The following ROBO2 variants were observed in gnomAD, a reference collection of about 807,000 sequenced individuals.
ROBO2 encodes roundabout homolog 2.
A neutral mutation model predicts 160.8 loss-of-function variants in ROBO2; 53 were observed. The observed-to-expected ratio is 0.33, with a 90% CI of 0.26 to 0.41. The LOEUF is 0.41. Ranked by LOEUF, ROBO2 falls within the 10% of genes least tolerant of loss-of-function variation. The probability of loss-of-function intolerance (pLI) is 1.00; values close to 1 mark genes in which losing one functional copy is unlikely to be tolerated. For synonymous variants in ROBO2, 664 were observed against 611.7 expected (o/e 1.09, Z -1.26); for missense variants, 1,577 against 1,722.4 (o/e 0.92, Z 1.49).
At chr3:77,368,872 T>C (rs1213744796) in intron 2 of ROBO2, among the ~76,000 whole-genome samples, 1 of 152,204 alleles carries the variant, frequency 6.6e-6, no homozygotes, top group East Asian at 1.9e-4. Context: ...AATTCATATA[T>C]ATGAATACAT....
At chr3:76,401,774 TAA>T (rs1007401090) in intron 2 of ROBO2, among the ~76,000 whole-genome samples, 1 of 151,492 alleles carries the variant, frequency 6.6e-6, no homozygotes. Context: ...GCAAAATCAT[TAA>T]GATTATAAAT....
rs141642304 is a variant in ROBO2 at position 76,599,818 on chromosome 3, T to C, written c.110-498196T>C. Among the ~76,000 whole-genome samples the C allele has an allele frequency of 6.4e-3, 973 of 152,326 alleles. 10 individuals are homozygous for C. The highest frequency in any genetic ancestry group is 0.021 in the African/African-American group (862 of 41,582). On this transcript the variant is annotated intron_variant, in intron 2 of 26. Transcript: ENST00000487694. ...GTGATCAGTGATGTTGAGCTTTTTT[T>C]CATATGCTTTTGGCCACATGTATGT...
chr3:76,856,666 A>C (rs2070121207), intron 2 of ROBO2, among the ~76,000 whole-genome samples: 1 of 152,170 alleles, frequency 6.6e-6, no homozygotes, highest in Non-Finnish European at 1.5e-5. Flanking sequence ...GGGGCCCAAT[A>C]ATTTTCATTC....
At chr3:77,304,876 C>T (rs1225858837) in intron 2 of ROBO2, among the ~76,000 whole-genome samples, 4 of 152,046 alleles carry the variant, frequency 2.6e-5, no homozygotes, top group Non-Finnish European at 5.9e-5. Flanking sequence ...TTAGGGAGAG[C>T]GTACATACGT....
chr3:77,508,153 G>T (rs983227156), intron 5 of ROBO2, among the ~76,000 whole-genome samples: 10 of 151,582 alleles, frequency 6.6e-5, no homozygotes, highest in Admixed American at 6.6e-4. Context: ...TCTCAGAACT[G>T]CAGGGAGCTT....
intron 2 of ROBO2, among the ~76,000 whole-genome samples, chr3:77,459,858 C>T (rs1316424737): frequency 2.7e-5 from 4 of 145,686 alleles, no homozygotes; most frequent in Admixed American, 2.1e-4. Flanking sequence ...GGGGTAGATA[C>T]TACGAGATGA....
chr3:76,723,874 A>G (rs2093505019), intron 2 of ROBO2, among the ~76,000 whole-genome samples: 1 of 152,214 alleles, frequency 6.6e-6, no homozygotes, highest in Non-Finnish European at 1.5e-5. Context: ...CATGAATACC[A>G]TACCAGACCT....
intron 2 of ROBO2, among the ~76,000 whole-genome samples, chr3:76,460,461 G>GT (rs1367487133): frequency 2.0e-5 from 3 of 152,138 alleles, no homozygotes; most frequent in African/African-American, 7.2e-5. Flanking sequence ...GCTGCTAAGG[G>GT]TAAGTCGTAA....
At chr3:77,115,868 C>A (rs1427050191) in intron 2 of ROBO2, among the ~76,000 whole-genome samples, 1 of 152,218 alleles carries the variant, frequency 6.6e-6, no homozygotes, top group Non-Finnish European at 1.5e-5. Flanking sequence ...TTGGAGTGAC[C>A]TTTGGAGTGG....
chr3:77,019,846 A>G (rs1223690385), intron 2 of ROBO2, among the ~76,000 whole-genome samples: 1 of 152,222 alleles, frequency 6.6e-6, no homozygotes, highest in African/African-American at 2.4e-5. Flanking sequence ...TGATGGTTCA[A>G]CATTGCCTCT....
intron 2 of ROBO2, among the ~76,000 whole-genome samples, chr3:76,034,722 C>G (rs768566292): frequency 3.3e-5 from 5 of 152,090 alleles, no homozygotes; most frequent in Non-Finnish European, 7.3e-5. Flanking sequence ...TTGCTTTAAG[C>G]TCTTCAATTT....
At chr3:77,511,639 A>G (rs968612203) in intron 5 of ROBO2, among the ~76,000 whole-genome samples, 3 of 151,982 alleles carry the variant, frequency 2.0e-5, no homozygotes. Flanking sequence ...GGCCGAAGAG[A>G]GAGCCAGTGG....
chr3:76,397,148 A>G (rs2108711357), intron 2 of ROBO2, among the ~76,000 whole-genome samples: 1 of 152,316 alleles, frequency 6.6e-6, no homozygotes, highest in African/African-American at 2.4e-5. Context: ...GGAACAGAAC[A>G]GAGCCCTCAG....
chr3:77,428,501 C>T (rs1271417290), intron 2 of ROBO2, among the ~76,000 whole-genome samples: 1 of 151,022 alleles, frequency 6.6e-6, no homozygotes, highest in Non-Finnish European at 1.5e-5. Context: ...GGACTACAGG[C>T]ACCCGCCACC....
chr3:77,199,585 C>T (rs910901823), intron 2 of ROBO2, among the ~76,000 whole-genome samples: 1 of 149,928 alleles, frequency 6.7e-6, no homozygotes, highest in Non-Finnish European at 1.5e-5. Context: ...CACTCAGTGA[C>T]TGAGGCTGTT....
chr3:76,046,757 C>T (rs1169191714), intron 2 of ROBO2, among the ~76,000 whole-genome samples: 2 of 151,978 alleles, frequency 1.3e-5, no homozygotes, highest in Non-Finnish European at 2.9e-5. Flanking sequence ...TATGAGGGGC[C>T]ATAGGAAATA....
intron 2 of ROBO2, among the ~76,000 whole-genome samples, chr3:77,446,721 T>A (rs1028813208): frequency 6.6e-6 from 1 of 152,072 alleles, no homozygotes; most frequent in African/African-American, 2.4e-5. Context: ...AATATGAATG[T>A]CCGTTCTCCA....
intron 2 of ROBO2, among the ~76,000 whole-genome samples, chr3:77,446,046 T>C (rs2080472318): frequency 6.6e-6 from 1 of 152,060 alleles, no homozygotes; most frequent in South Asian, 2.1e-4. Context: ...TTTCCTAGAA[T>C]TCCAGGAGTC....
In ROBO2 at chr3:76,962,721, C is replaced by G. The variant is rs1263655645; in HGVS notation, c.110-135293C>G. 2.4e-4 allele frequency among the ~76,000 whole-genome samples: 36 copies of G among 151,128 alleles called. 2 individuals carry two copies. The highest frequency in any genetic ancestry group is 2.4e-3 in the Admixed American group (36 of 15,148). On this transcript the variant is annotated intron_variant, in intron 2 of 26. Transcript: ENST00000487694. Reference sequence around the variant, plus strand: ...CTTCAGGAGACTGAGGCAGGAGGATCACTTGAGGCCAAGAGTTCGAGGCTG... The same window carrying G: ...CTTCAGGAGACTGAGGCAGGAGGATGACTTGAGGCCAAGAGTTCGAGGCTG...
Sources: allele counts gnomAD v4.1 joint callset (sites outside exome capture counted in the v4.1 genomes callset), GRCh38; gene constraint gnomAD v4.1.1; transcripts MANE v1.5; gene names NCBI Gene and HGNC (gene_info 2026-07-23, HGNC 2026-07-21).